The following RGS6 variants were observed in gnomAD, a reference collection of about 807,000 sequenced individuals.
The protein encoded by RGS6 is regulator of G protein signaling 6.
RGS6 carries 30 observed loss-of-function variants against 78.5 expected under a neutral mutation model. That is an observed-to-expected ratio of 0.38 (90% confidence interval 0.29 to 0.52). RGS6 has a LOEUF of 0.52. Ranked by LOEUF, RGS6 falls within the 20% of genes least tolerant of loss-of-function variation. The pLI, the probability that RGS6 is intolerant of heterozygous loss-of-function variation, is 0.85. For missense variants in RGS6, 495 were observed against 609.7 expected (o/e 0.81, Z 1.98); for synonymous variants, 206 against 206.0 (o/e 1.00, Z 0.00).
At chr14:72,373,289 A>G (rs913659976) in intron 3 of RGS6, among the ~76,000 whole-genome samples, 1 of 152,220 alleles carries the variant, frequency 6.6e-6, no homozygotes, top group Non-Finnish European at 1.5e-5. Flanking sequence ...CATATTGTTC[A>G]AGAAACTGGA....
the RGS6 span, among the ~76,000 whole-genome samples, chr14:71,875,744 C>T: frequency 6.6e-6 from 1 of 152,112 alleles, no homozygotes; most frequent in Non-Finnish European, 1.5e-5. Flanking sequence ...GTTAGGGTGT[C>T]AATTTTAGAT....
intron 2 of RGS6, among the ~76,000 whole-genome samples, chr14:72,259,517 G>T (rs978136448): frequency 6.6e-6 from 1 of 152,156 alleles, no homozygotes; most frequent in Non-Finnish European, 1.5e-5. Context: ...ATGGGAAAAT[G>T]CTGGTACTCT....
intron 2 of RGS6, among the ~76,000 whole-genome samples, chr14:72,199,043 C>G (rs2040862390): frequency 6.6e-6 from 1 of 152,164 alleles, no homozygotes. Flanking sequence ...CCTTTGAAAA[C>G]AGTGAATGTA....
rs71109735 is a variant in RGS6 at position 72,437,167 on chromosome 14, CAAAA to C, written c.185-17340_185-17337del. Among the ~76,000 whole-genome samples, 397 of 75,022 alleles carry C rather than the reference CAAAA, an allele frequency of 5.3e-3. 3 individuals carry two copies. Among genetic ancestry groups the C allele is most frequent in the African/African-American group, 0.017 (296 of 17,034 alleles). 49.2% of individuals were successfully genotyped at this position (75,022 alleles called of 152,430 possible). Reference sequence around the variant, plus strand: ...TGAAACCCCGTCTTTACTAAAAATACAAAAAAAAAAAAAAAAAAAAAAAATTAGC... The same window carrying C: ...TGAAACCCCGTCTTTACTAAAAATACAAAAAAAAAAAAAAAAAAAATTAGC... On this transcript the variant is annotated intron_variant, in intron 3 of 17. Transcript: ENST00000553525.
At position 72,100,920 on chromosome 14, in the gene RGS6, A is replaced by G. The variant is rs1172823415; in HGVS notation, c.84+136045A>G. On this transcript the variant is annotated intron_variant, in intron 2 of 17. Transcript: ENST00000553525. Reference sequence around the variant, plus strand: ...ATGCCTGTAATCCCAATACTTTGGGATGCCAAGGCAGGTGGATTGTTTGAG... The same window carrying G: ...ATGCCTGTAATCCCAATACTTTGGGGTGCCAAGGCAGGTGGATTGTTTGAG... 3.9e-5 allele frequency among the ~76,000 whole-genome samples: 6 copies of G among 152,300 alleles called. No homozygotes were observed. The East Asian group carries it at 1.2e-3, about 29-fold the overall frequency.
At chr14:72,157,272 C>A (rs1352154554) in intron 2 of RGS6, among the ~76,000 whole-genome samples, 1 of 152,152 alleles carries the variant, frequency 6.6e-6, no homozygotes, top group African/African-American at 2.4e-5. Context: ...CTCCTAGGAA[C>A]AAGAAGCAAA....
At chr14:72,402,577 C>T (rs554839633) in intron 3 of RGS6, among the ~76,000 whole-genome samples, 15 of 151,872 alleles carry the variant, frequency 9.9e-5, no homozygotes, top group South Asian at 4.2e-4. Context: ...CCAGTTAGAA[C>T]GGCTATGATC....
At chr14:72,548,847 C>A (rs1186127390) in intron 17 of RGS6, among the ~76,000 whole-genome samples, 1 of 152,116 alleles carries the variant, frequency 6.6e-6, no homozygotes, top group Non-Finnish European at 1.5e-5. Context: ...AATATTCTAA[C>A]AATAACAGAA....
the RGS6 span, among the ~76,000 whole-genome samples, chr14:71,886,086 A>T: frequency 2.0e-5 from 3 of 151,828 alleles, no homozygotes; most frequent in South Asian, 4.1e-4. Flanking sequence ...AGGGAAATTG[A>T]TCATATCATC....
chr14:71,889,818 A>G, the RGS6 span, among the ~76,000 whole-genome samples: 41,319 of 151,862 alleles, frequency 0.27, 7,453 homozygotes, highest in African/African-American at 0.51. Context: ...GAATGGTTTA[A>G]CGCCATCCCC....
chr14:72,400,620 G>C (rs866011131), intron 3 of RGS6, among the ~76,000 whole-genome samples: 2 of 152,296 alleles, frequency 1.3e-5, no homozygotes, highest in Middle Eastern at 3.4e-3. Flanking sequence ...CGCTGATTCT[G>C]TTCAGTAACC....
chr14:72,500,874 C>A (rs1440367563), intron 13 of RGS6, among the ~76,000 whole-genome samples: 1 of 152,132 alleles, frequency 6.6e-6, no homozygotes, highest in East Asian at 1.9e-4. Context: ...TTGAGGTGAC[C>A]AGGGACTTTT....
chr14:72,149,020 G>A (rs2096645855), intron 2 of RGS6, among the ~76,000 whole-genome samples: 1 of 152,174 alleles, frequency 6.6e-6, no homozygotes, highest in Admixed American at 6.5e-5. Context: ...GCACCACTTG[G>A]TGTCAGCTGG....
At chr14:72,352,401 G>A (rs975715581) in intron 3 of RGS6, among the ~76,000 whole-genome samples, 1 of 152,158 alleles carries the variant, frequency 6.6e-6, no homozygotes, top group African/African-American at 2.4e-5. Flanking sequence ...ACCATGACCA[G>A]CCCTTCAAGT....
At chr14:72,484,354 G>T (rs1178179787) in intron 12 of RGS6, among the ~76,000 whole-genome samples, 3 of 152,158 alleles carry the variant, frequency 2.0e-5, no homozygotes, top group Admixed American at 6.5e-5. Context: ...TCCCATAGCT[G>T]CAGGCCATAC....
the RGS6 span, among the ~76,000 whole-genome samples, chr14:71,905,080 C>G: frequency 6.6e-6 from 1 of 152,156 alleles, no homozygotes; most frequent in Non-Finnish European, 1.5e-5. Context: ...AAATCAGAGT[C>G]CTAGCACTAG....
At chr14:72,601,663 C>T in the RGS6 span, among the ~76,000 whole-genome samples, 7 of 152,212 alleles carry the variant, frequency 4.6e-5, no homozygotes, top group Non-Finnish European at 8.8e-5. Flanking sequence ...TCAGTCATTA[C>T]ACAACACATA....
At chr14:72,267,746 A>T (rs946105358) in intron 2 of RGS6, among the ~76,000 whole-genome samples, 4 of 152,256 alleles carry the variant, frequency 2.6e-5, no homozygotes, top group Non-Finnish European at 5.9e-5. Context: ...TGGGAGAAGA[A>T]TGAAAGACTC....
chr14:72,065,547 C>T (rs1393157723), intron 2 of RGS6, among the ~76,000 whole-genome samples: 3 of 152,086 alleles, frequency 2.0e-5, no homozygotes, highest in Non-Finnish European at 4.4e-5. Context: ...AATAAAATGT[C>T]TTCCCTTTAC....
Sources: gnomAD v4.1 joint callset for allele counts (sites outside exome capture counted in the v4.1 genomes callset) on GRCh38, gnomAD v4.1.1 for gene constraint, MANE v1.5 for transcripts, NCBI Gene and HGNC (gene_info 2026-07-23, HGNC 2026-07-21) for gene names.